ARHGAP23: variants seen among roughly 807,000 people sequenced by gnomAD.
ARHGAP23 encodes rho GTPase-activating protein 23.
Under a neutral mutation model 136.3 loss-of-function variants are expected in ARHGAP23, and 34 were observed. The observed-to-expected ratio is 0.25, with a 90% confidence interval of 0.19 to 0.33. The LOEUF (loss-of-function observed/expected upper bound fraction) is 0.33. Ranked by LOEUF, ARHGAP23 falls within the 10% of genes least tolerant of loss-of-function variation. ARHGAP23 has a pLI of 1.00. For synonymous variants in ARHGAP23, 832 were observed against 920.5 expected (o/e 0.90, Z 1.74); for missense variants, 1,808 against 2,139.0 (o/e 0.85, Z 3.05).
chr17:38,462,322 C>A (rs1399910913), intron 3 of ARHGAP23, among the ~76,000 whole-genome samples: 1 of 141,928 alleles, frequency 7.0e-6, no homozygotes, highest in South Asian at 2.4e-4. Flanking sequence ...GGCACAATCC[C>A]GGCTTACCAC....
intron 20 of ARHGAP23, among the ~76,000 whole-genome samples, chr17:38,497,189 A>C (rs1205072786): frequency 1.3e-5 from 2 of 152,180 alleles, no homozygotes; most frequent in African/African-American, 2.4e-5. Context: ...AAATATATTA[A>C]ACTGTGGGGG....
intron 1 of ARHGAP23, among the ~76,000 whole-genome samples, chr17:38,444,849 CT>C (rs1456018044): frequency 6.6e-6 from 1 of 151,166 alleles, no homozygotes; most frequent in Non-Finnish European, 1.5e-5. Context: ...CAGAGTTTTG[CT>C]CTTGCCGTCC....
intron 10 of ARHGAP23, among the ~76,000 whole-genome samples, chr17:38,470,191 C>G (rs146953130): frequency 6.6e-6 from 1 of 152,224 alleles, no homozygotes. Context: ...CCTGTCTTCG[C>G]GGCTTTTTAG....
intron 11 of ARHGAP23, among the ~76,000 whole-genome samples, chr17:38,474,065 C>T (rs544350572): frequency 7.6e-4 from 116 of 152,282 alleles, no homozygotes; most frequent in African/African-American, 2.4e-3. Flanking sequence ...GGACTACAGG[C>T]GCCTGCTACC....
chr17:38,448,561 G>T (rs574184471), intron 1 of ARHGAP23, among the ~76,000 whole-genome samples: 1 of 151,822 alleles, frequency 6.6e-6, no homozygotes, highest in African/African-American at 2.4e-5. Flanking sequence ...GTAGAGATAG[G>T]GCTCTGACTC....
intron 23 of ARHGAP23, among the ~76,000 whole-genome samples, chr17:38,507,231 G>A (rs779356079): frequency 9.3e-5 from 14 of 151,036 alleles, no homozygotes; most frequent in South Asian, 2.1e-4. Flanking sequence ...CCGAGATTGC[G>A]CCACCTACAC....
At chr17:38,437,963 A>T (rs1221202977) in intron 1 of ARHGAP23, among the ~76,000 whole-genome samples, 1 of 151,986 alleles carries the variant, frequency 6.6e-6, no homozygotes, top group Non-Finnish European at 1.5e-5. Context: ...CCTCCTCCAA[A>T]GATGGTCCAG....
At chr17:38,440,264 C>T (rs142564842) in intron 1 of ARHGAP23, among the ~76,000 whole-genome samples, 144 of 152,322 alleles carry the variant, frequency 9.5e-4, no homozygotes, top group Middle Eastern at 3.4e-3. Context: ...AGTGATCCTC[C>T]GAACTCGGCC....
chr17:38,480,359 C>T (rs1307993483), intron 14 of ARHGAP23, among the ~76,000 whole-genome samples: 4 of 152,134 alleles, frequency 2.6e-5, no homozygotes, highest in East Asian at 1.9e-4. Context: ...AAAGGCCGGG[C>T]GCGATGGCTC....
chr17:38,442,778 G>C (rs911810462), intron 1 of ARHGAP23, among the ~76,000 whole-genome samples: 2 of 152,274 alleles, frequency 1.3e-5, no homozygotes, highest in South Asian at 4.1e-4. Flanking sequence ...CACAGAGGAA[G>C]AGGGTGTGGT....
chr17:38,453,125 GGTGGGTAAAT>G (rs1391616398), intron 1 of ARHGAP23, among the ~76,000 whole-genome samples: 4 of 152,156 alleles, frequency 2.6e-5, no homozygotes, highest in African/African-American at 9.7e-5. Context: ...GGAGTGCGTG[GGTGGGTAAAT>G]GTGGGTCTGG....
intron 15 of ARHGAP23, 102 bp from the exon 16 acceptor site, chr17:38,482,421 A>C: frequency 1.7e-6 from 2 of 1,189,730 alleles, no homozygotes; most frequent in Non-Finnish European, 2.3e-6. Flanking sequence ...GTTCCCCCCA[A>C]GGGTTCCTGG....
chr17:38,454,262 C>T (rs2039270521), intron 1 of ARHGAP23: 1 of 152,482 alleles, frequency 6.6e-6, no homozygotes, highest in Non-Finnish European at 1.5e-5. Context: ...GACTGATGCC[C>T]CTGGAACGGG....
At chr17:38,469,976 C>T in intron 10 of ARHGAP23, 72 bp downstream of exon 10, 1 of 1,511,624 alleles carries the variant, frequency 6.6e-7, no homozygotes, top group East Asian at 2.5e-5. Context: ...GGAGGTGGGG[C>T]CACAGCCTCG....
chr17:38,503,564 GTCC>G (rs1427506003), intron 23 of ARHGAP23, among the ~76,000 whole-genome samples: 1 of 152,178 alleles, frequency 6.6e-6, no homozygotes, highest in African/African-American at 2.4e-5. Flanking sequence ...GCCAGAAGAT[GTCC>G]TCATTTGCTT....
At chr17:38,499,017 G>A (rs1427859357) in intron 22 of ARHGAP23, 4 of 699,334 alleles carry the variant, frequency 5.7e-6, no homozygotes, top group Non-Finnish European at 1.0e-5. Flanking sequence ...AAGGCTGGGT[G>A]GGCACAGCGG....
intron 23 of ARHGAP23, 119 bp downstream of exon 23, chr17:38,500,747 G>A: frequency 3.1e-6 from 3 of 977,938 alleles, no homozygotes; most frequent in Non-Finnish European, 4.7e-6. Flanking sequence ...TGGTCCCTGG[G>A]AGGGAAGGCA....
At chr17:38,480,100 A>T (rs1334255947) in intron 14 of ARHGAP23, among the ~76,000 whole-genome samples, 1 of 152,096 alleles carries the variant, frequency 6.6e-6, no homozygotes, top group Non-Finnish European at 1.5e-5. Flanking sequence ...CGTCCCTGAC[A>T]TCCCTGCTGG....
chr17:38,462,476 G>A (rs915250576), intron 3 of ARHGAP23, among the ~76,000 whole-genome samples: 8 of 151,946 alleles, frequency 5.3e-5, no homozygotes, highest in Non-Finnish European at 8.8e-5. Context: ...GGCTGGTCTC[G>A]AACTCCTGAC....
Sources: allele counts gnomAD v4.1 joint callset (sites outside exome capture counted in the v4.1 genomes callset), GRCh38; gene constraint gnomAD v4.1.1; transcripts MANE v1.5; gene names NCBI Gene and HGNC (gene_info 2026-07-23, HGNC 2026-07-21).